Variants in SEMA7A observed in about 807,000 individuals in gnomAD.
SEMA7A encodes the protein semaphorin 7A (JohnMiltonHagen blood group).
Under a neutral mutation model 67.5 loss-of-function variants are expected in SEMA7A, and 21 were observed. The observed-to-expected ratio is 0.31, with a 90% CI of 0.22 to 0.45. The LOEUF (loss-of-function observed/expected upper bound fraction) is 0.45. Among genes scored for constraint, SEMA7A ranks in the 20% least tolerant of loss-of-function variants. The pLI, the probability that SEMA7A is intolerant of heterozygous loss-of-function variation, is 1.00. For synonymous variants in SEMA7A, 364 were observed against 368.5 expected (o/e 0.99, Z 0.14); for missense variants, 774 against 908.6 (o/e 0.85, Z 1.90).
chr15:74,429,993 T>C (rs1029195247), intron 1 of SEMA7A, among the ~76,000 whole-genome samples: 2 of 152,112 alleles, frequency 1.3e-5, no homozygotes, highest in Non-Finnish European at 1.5e-5. Flanking sequence ...AACTGCTCTC[T>C]GTTACACATT....
At position 74,410,387 on chromosome 15, in the gene SEMA7A, G is replaced by T; in HGVS notation, c.*237C>A. ...CCAGAAGATAAAGTCTTGGGTCATC[G>T]ATGCCCCAGCTTCACAGTCGGTGCC... On this transcript the variant is annotated 3_prime_UTR_variant, in exon 14 of 14. Transcript: ENST00000261918. The surrounding 1 kb of genome is among the most constrained non-coding windows in gnomAD (Gnocchi z 7.5). 1.9e-6 allele frequency: 1 copy of T among 513,220 alleles called. No individual in the cohort carries two copies. The highest frequency in any genetic ancestry group is 5.0e-4 in the Middle Eastern group (1 of 2,006). 31.8% of individuals were successfully genotyped at this position (513,220 alleles called of 1,614,324 possible).
At chr15:74,429,300 T>G (rs1220650162) in intron 1 of SEMA7A, among the ~76,000 whole-genome samples, 1 of 151,354 alleles carries the variant, frequency 6.6e-6, no homozygotes, top group Non-Finnish European at 1.5e-5. Flanking sequence ...CTGCCAGACC[T>G]GCCCCCTGGG....
In SEMA7A at chr15:74,414,851, G is replaced by A. The variant is rs760533520; in HGVS notation, c.1082C>T (p.Pro361Leu). 8.7e-6 allele frequency: 14 copies of A among 1,614,090 alleles called. No individual in the cohort carries two copies. The highest frequency in any genetic ancestry group is 1.7e-5 in the Admixed American group (1 of 60,010). Reference protein sequence around the residue: ...LKGYHSSLPNPRPGKCLPDQQ... With the variant: ...LKGYHSSLPNLRPGKCLPDQQ... ...TGTCACGCTCACCTTGCCAGGCCGC[G>A]GGTTGGGAAGGCTTGAGTGGTAGCC... The change falls in exon 9 of 14, where the codon CCG becomes CTG. Residue 361 changes from proline to leucine, a missense_variant. Pro to Leu is a moderately conservative substitution (Grantham distance 98). Transcript: ENST00000261918. This position sits in a 1 kb window ranked among gnomAD's most constrained non-coding sequence, Gnocchi z 4.1.
At position 74,411,448 on chromosome 15, in the gene SEMA7A, A is replaced by G. The variant is rs1254222838; in HGVS notation, c.1578-92T>C. 2 of 1,550,080 alleles carry G rather than the reference A, an allele frequency of 1.3e-6. No individual in the cohort carries two copies. The highest frequency in any genetic ancestry group is 4.5e-5 in the East Asian group (2 of 44,208). On this transcript the variant is annotated intron_variant, in intron 12 of 13. Coordinates refer to ENST00000261918, the MANE Select transcript of SEMA7A (RefSeq NM_003612.5). This position sits in a 1 kb window ranked among gnomAD's most constrained non-coding sequence, Gnocchi z 4.4. ...CCCCAGTGCAGTTCCAGCAGAGAGG[A>G]GGGTCCCACAAGAAAGGCCCAGTAC...
In SEMA7A at chr15:74,410,874, T is replaced by G. The variant is rs762146749; in HGVS notation, c.1751A>C (p.Glu584Ala). 5 of 1,614,180 alleles carry G rather than the reference T, an allele frequency of 3.1e-6. No homozygotes were observed. Among genetic ancestry groups the G allele is most frequent in the Non-Finnish European group, 4.2e-6 (5 of 1,180,032 alleles). Residue 584 changes from glutamate to alanine, a missense_variant, in exon 14 of 14, where the codon GAG (glutamate) becomes GCG (alanine). Physicochemically the swap from Glu to Ala is moderately radical, Grantham distance 107. Around this residue, in one of 2 missense-constraint regions of SEMA7A, gnomAD observed 427 missense variants for 555.4 expected, o/e 0.77. Coordinates refer to ENST00000261918, the MANE Select transcript of SEMA7A (RefSeq NM_003612.5). The surrounding 1 kb of genome is among the most constrained non-coding windows in gnomAD (Gnocchi z 7.5). The part of the protein sequence containing the change: ...TYSWRHKENV[E>A]QSCEPGHQSP... ...CTGGTGACCAGGTTCGCAGCTCTGCTCCACGTTCTCCTTGTGGCGCCATGA... is the reference window on the plus strand; with the variant it reads ...CTGGTGACCAGGTTCGCAGCTCTGCGCCACGTTCTCCTTGTGGCGCCATGA...
rs759387368 is a variant in SEMA7A at position 74,411,474 on chromosome 15, C to G, written c.1577+82G>C. 4 of 1,543,782 alleles carry G rather than the reference C, an allele frequency of 2.6e-6. No homozygotes were observed. The highest frequency in any genetic ancestry group is 4.5e-5 in the East Asian group (2 of 44,178). ...GGGTCCCACAAGAAAGGCCCAGTAC[C>G]GCCACCTCCTCCAGCCCGACAACAC... On this transcript the variant is annotated intron_variant, in intron 12 of 13. Transcript: ENST00000261918. This position sits in a 1 kb window ranked among gnomAD's most constrained non-coding sequence, Gnocchi z 4.4.
chr15:74,433,125 C>A lies in SEMA7A; in HGVS notation c.178+616G>T, dbSNP rs533820752. On this transcript the variant is annotated intron_variant, in intron 1 of 13. Transcript: ENST00000261918. Reference sequence around the variant, plus strand: ...GCCGGTCCCGGCATTGCTGAGGCAGCGCCCTGGTACCCCAAGCCGCCGCAC... The same window carrying A: ...GCCGGTCCCGGCATTGCTGAGGCAGAGCCCTGGTACCCCAAGCCGCCGCAC... Among the ~76,000 whole-genome samples, 978 of 152,198 alleles carry A rather than the reference C, an allele frequency of 6.4e-3. 10 individuals are homozygous for A. The highest frequency in any genetic ancestry group is 0.022 in the African/African-American group (923 of 41,558).
intron 1 of SEMA7A, among the ~76,000 whole-genome samples, chr15:74,428,628 G>A (rs1567079082): frequency 1.3e-5 from 2 of 152,202 alleles, no homozygotes; most frequent in Non-Finnish European, 2.9e-5. Context: ...GAGAGGAGGC[G>A]GAGCCAGGGA....
chr15:74,433,902 G>C lies in SEMA7A; in HGVS notation c.17C>G (p.Pro6Arg), dbSNP rs2061117114. The C allele has an allele frequency of 1.6e-6, 2 of 1,254,818 alleles. No individual in the cohort carries two copies. The highest frequency in any genetic ancestry group is 2.0e-6 in the Non-Finnish European group (2 of 1,003,536). 77.7% of individuals were successfully genotyped at this position (1,254,818 alleles called of 1,614,324 possible). MTPPP[P>R]GRAAPSAPRA... ...CGGTGCGCTGGGGGCGGCACGTCCG[G>C]GCGGAGGAGGCGTCATCCCGTGGCC... is the stretch of plus-strand genomic sequence containing the variant. The change falls in exon 1 of 14, where the codon CCC becomes CGC. Residue 6 changes from proline to arginine, a missense_variant. Transcript: ENST00000261918.
At position 74,415,992 on chromosome 15, in the gene SEMA7A, G is replaced by A; in HGVS notation, c.802-7C>T. The A allele has an allele frequency of 6.2e-7, 1 of 1,613,334 alleles. No homozygotes were observed. The highest frequency in any genetic ancestry group is 1.1e-5 in the South Asian group (1 of 91,066). ...TTTCCCCACCCTGGTCCCCCTGGAAGGGTAGAGGGGAGAAGAGGCCCCTCA... is the reference window on the plus strand; with the variant it reads ...TTTCCCCACCCTGGTCCCCCTGGAAAGGTAGAGGGGAGAAGAGGCCCCTCA... On this transcript the variant is annotated splice_polypyrimidine_tract_variant and splice_region_variant and intron_variant, in intron 7 of 13. Transcript: ENST00000261918.
intron 1 of SEMA7A, among the ~76,000 whole-genome samples, chr15:74,430,351 T>A (rs1022460405): frequency 1.3e-5 from 2 of 151,992 alleles, no homozygotes; most frequent in Non-Finnish European, 1.5e-5. Context: ...GCCCCTCCCA[T>A]CCCAGAGAGA....
chr15:74,431,047 C>T (rs2061084199), intron 1 of SEMA7A, among the ~76,000 whole-genome samples: 1 of 152,170 alleles, frequency 6.6e-6, no homozygotes, highest in African/African-American at 2.4e-5. Flanking sequence ...GCTCCTCCAA[C>T]CACTGATAAA....
intron 1 of SEMA7A, among the ~76,000 whole-genome samples, chr15:74,433,391 C>A (rs1258485377): frequency 6.6e-6 from 1 of 151,954 alleles, no homozygotes; most frequent in African/African-American, 2.4e-5. Flanking sequence ...GGTCCTCCGC[C>A]GAAGCCCCCG....
Position 74,410,607 on chromosome 15 carries a change from C to A in SEMA7A, c.*17G>T, listed in dbSNP as rs1254568505. On this transcript the variant is annotated 3_prime_UTR_variant, in exon 14 of 14. Coordinates refer to ENST00000261918, the MANE Select transcript of SEMA7A (RefSeq NM_003612.5). This position sits in a 1 kb window ranked among gnomAD's most constrained non-coding sequence, Gnocchi z 7.5. Reference sequence around the variant, plus strand: ...CTGGGCTGCAGAAGCCTGAGGCATGCCCAGCCTCGGGAGGCCCTAGTGGAC... The same window carrying A: ...CTGGGCTGCAGAAGCCTGAGGCATGACCAGCCTCGGGAGGCCCTAGTGGAC... 6.4e-7 allele frequency: 1 copy of A among 1,562,784 alleles called. No individual in the cohort carries two copies. Among genetic ancestry groups the A allele is most frequent in the East Asian group, 2.3e-5 (1 of 44,310 alleles).
At position 74,414,781 on chromosome 15, in the gene SEMA7A, G is replaced by A; in HGVS notation, c.1096-36C>T. 6.2e-7 allele frequency: 1 copy of A among 1,613,934 alleles called. No homozygotes were observed. Among genetic ancestry groups the A allele is most frequent in the Non-Finnish European group, 8.5e-7 (1 of 1,179,864 alleles). ...AGAGCAGGCCCAGGTCAGTGGGGTGGTGGGAGGTGAGGCAGAAGGAGGGCT... is the reference window on the plus strand; with the variant it reads ...AGAGCAGGCCCAGGTCAGTGGGGTGATGGGAGGTGAGGCAGAAGGAGGGCT... On this transcript the variant is annotated intron_variant, in intron 9 of 13. Transcript: ENST00000261918. The surrounding 1 kb of genome is among the most constrained non-coding windows in gnomAD (Gnocchi z 4.1).
intron 10 of SEMA7A, 117 bp from the exon 11 acceptor site, chr15:74,412,129 T>G (rs1310727339): frequency 3.1e-6 from 4 of 1,281,230 alleles, no homozygotes; most frequent in Non-Finnish European, 3.3e-6. Context: ...ACAGGACTGG[T>G]GTGGGCAGGG....
Position 74,411,556 on chromosome 15 carries a change from C to T in SEMA7A, c.1577G>A (p.Arg526Gln), listed in dbSNP as rs976348640. 9 of 1,553,330 alleles carry T rather than the reference C, an allele frequency of 5.8e-6. No homozygotes were observed. Among genetic ancestry groups the T allele is most frequent in the African/African-American group, 4.1e-5 (3 of 73,284 alleles). ...GRCISIYSSE[R>Q]SVLQSINPAE... ...GGACGAGGGATCCCGGCCAACGTAC[C>T]GTTCGGAGCTGTAGATGGAGATGCA... is the stretch of plus-strand genomic sequence containing the variant. The change falls in exon 12 of 14, where the codon CGG becomes CAG. Residue 526 changes from arginine to glutamine, a missense_variant and splice_region_variant. Arg to Gln is a conservative substitution (Grantham distance 43). Around this residue, in one of 2 missense-constraint regions of SEMA7A, gnomAD observed 427 missense variants for 555.4 expected, o/e 0.77. Coordinates refer to ENST00000261918, the MANE Select transcript of SEMA7A (RefSeq NM_003612.5). The surrounding 1 kb of genome is among the most constrained non-coding windows in gnomAD (Gnocchi z 4.4).
intron 8 of SEMA7A, 91 bp from the exon 9 acceptor site, chr15:74,415,037 G>A (rs2141274172): frequency 9.9e-7 from 1 of 1,009,228 alleles, no homozygotes; most frequent in Non-Finnish European, 1.5e-6. Context: ...CTGGCACTGA[G>A]TTGCCAACCA....
chr15:74,432,896 T>C (rs2061101372), intron 1 of SEMA7A, among the ~76,000 whole-genome samples: 2 of 152,066 alleles, frequency 1.3e-5, no homozygotes, highest in Non-Finnish European at 2.9e-5. Flanking sequence ...TTCTGTCCCA[T>C]AGTACAGGGT....
Sources: gnomAD v4.1 joint callset for allele counts (sites outside exome capture counted in the v4.1 genomes callset) on GRCh38, gnomAD v4.1.1 for gene constraint, gnomAD v4.1.1 regional missense constraint, Gnocchi (gnomAD v3.1) non-coding constraint, MANE v1.5 for transcripts, NCBI Gene and HGNC (gene_info 2026-07-23, HGNC 2026-07-21) for gene names.